Variants in GPR39 observed in about 807,000 individuals in gnomAD.
The protein encoded by GPR39 is zinc sensing receptor.
In GPR39, 23 loss-of-function variants were observed where a neutral mutation model predicts 18.4. The ratio of observed to expected loss-of-function variants is 1.25; its 90% CI spans 0.90 to 1.77. The LOEUF is 1.77. Ranked by LOEUF, GPR39 falls within the 40% of genes most tolerant of loss-of-function variation. The pLI, the probability that GPR39 is intolerant of heterozygous loss-of-function variation, is 0.00. For missense variants in GPR39, 647 were observed against 602.4 expected (o/e 1.07, Z -0.78); for synonymous variants, 280 against 257.9 (o/e 1.09, Z -0.82).
At chr2:132,599,562 C>T (rs923989390) in intron 1 of GPR39, among the ~76,000 whole-genome samples, 5 of 152,198 alleles carry the variant, frequency 3.3e-5, no homozygotes, top group Admixed American at 6.5e-5. Context: ...AAAACAAACA[C>T]CATGGCAGCT....
intron 1 of GPR39, among the ~76,000 whole-genome samples, chr2:132,544,275 C>T (rs1679905560): frequency 6.6e-6 from 1 of 152,198 alleles, no homozygotes; most frequent in Non-Finnish European, 1.5e-5. Context: ...TACCTAGGTG[C>T]TTGGAATTTG....
intron 1 of GPR39, among the ~76,000 whole-genome samples, chr2:132,559,493 G>C (rs980033964): frequency 1.3e-5 from 2 of 152,086 alleles, no homozygotes; most frequent in African/African-American, 4.8e-5. Context: ...ACACCTTACT[G>C]AGCACTGACT....
At position 132,645,769 on chromosome 2, in the gene GPR39, T is replaced by C. The variant is rs1336339047; in HGVS notation, c.*163T>C. The C allele has an allele frequency of 1.8e-5, 18 of 1,026,988 alleles. No homozygotes were observed. The South Asian group carries it at 2.1e-4, about 12-fold the overall frequency. The allele number at this position is 1,026,988 out of a possible 1,614,324, so 63.6% of individuals were successfully genotyped here. On this transcript the variant is annotated 3_prime_UTR_variant, in exon 2 of 2. Transcript: ENST00000329321. ...CTCAGTGACTTCTAAGGACTGACTC[T>C]GCCAGCCTGGCCTTGACTCCGGTTA...
At chr2:132,635,854 G>A (rs186270178) in intron 1 of GPR39, among the ~76,000 whole-genome samples, 277 of 152,130 alleles carry the variant, frequency 1.8e-3, no homozygotes, top group African/African-American at 6.4e-3. Flanking sequence ...GAGGAAGAGA[G>A]CTTCTCCCCA....
rs568689652 is a variant in GPR39, at chr2:132,554,577, T to C, written c.857-90524T>C. On this transcript the variant is annotated intron_variant, in intron 1 of 1. Transcript: ENST00000329321. ...GAAGGCCATCACTGATGTGCAGCCC[T>C]GGGTCCCCAGCTGATAGCTACAGTG... Among the ~76,000 whole-genome samples, 4 of 152,324 alleles carry C rather than the reference T, an allele frequency of 2.6e-5. No homozygotes were observed. The East Asian group carries it at 7.7e-4, about 29-fold the overall frequency.
chr2:132,498,748 T>G (rs1201746273), intron 1 of GPR39, among the ~76,000 whole-genome samples: 1 of 152,138 alleles, frequency 6.6e-6, no homozygotes, highest in Non-Finnish European at 1.5e-5. Context: ...TATTTTTTGA[T>G]TATGGCCATT....
intron 1 of GPR39, among the ~76,000 whole-genome samples, chr2:132,607,176 C>G (rs1458317850): frequency 6.6e-6 from 1 of 152,178 alleles, no homozygotes; most frequent in Non-Finnish European, 1.5e-5. Context: ...AAGTATCAGC[C>G]TGCTCTGGCA....
At chr2:132,514,984 A>G (rs1002021484) in intron 1 of GPR39, among the ~76,000 whole-genome samples, 1 of 152,222 alleles carries the variant, frequency 6.6e-6, no homozygotes, top group African/African-American at 2.4e-5. Context: ...TTTCGAGGAA[A>G]TGCACAGTGA....
chr2:132,629,351 A>G (rs554019880), intron 1 of GPR39, among the ~76,000 whole-genome samples: 1 of 152,288 alleles, frequency 6.6e-6, no homozygotes, highest in East Asian at 1.9e-4. Context: ...TATCCCATGC[A>G]CTACACTCTG....
At chr2:132,555,943 A>T (rs746534568) in intron 1 of GPR39, among the ~76,000 whole-genome samples, 1 of 152,170 alleles carries the variant, frequency 6.6e-6, no homozygotes, top group Non-Finnish European at 1.5e-5. Flanking sequence ...TGGAGGGCTT[A>T]TGGAAACATA....
chr2:132,634,243 T>A lies in GPR39; in HGVS notation c.857-10858T>A, dbSNP rs569535544. Among the ~76,000 whole-genome samples, 6 of 152,250 alleles carry A rather than the reference T, an allele frequency of 3.9e-5. No individual in the cohort carries two copies. In the South Asian group the frequency reaches 1.2e-3, roughly 32 times the overall value. The stretch of plus-strand genomic sequence containing the variant: ...TGGTCATAATTGACAGTGGTCCTTT[T>A]CTGACAGCAGTCACTGTGGTCAGCA... On this transcript the variant is annotated intron_variant, in intron 1 of 1. Coordinates refer to ENST00000329321, the MANE Select transcript of GPR39 (RefSeq NM_001508.3).
At chr2:132,468,415 C>T (rs1680970030) in intron 1 of GPR39, among the ~76,000 whole-genome samples, 2 of 152,184 alleles carry the variant, frequency 1.3e-5, no homozygotes, top group East Asian at 1.9e-4. Context: ...CTGAAATTTA[C>T]CTATATGGAA....
intron 1 of GPR39, among the ~76,000 whole-genome samples, chr2:132,552,683 A>G (rs1296192065): frequency 1.3e-5 from 2 of 151,828 alleles, no homozygotes; most frequent in Admixed American, 1.3e-4. Context: ...GGCATCCTTG[A>G]ATTTTGTAAA....
intron 1 of GPR39, among the ~76,000 whole-genome samples, chr2:132,527,602 AT>A (rs1679536822): frequency 6.6e-6 from 1 of 152,068 alleles, no homozygotes; most frequent in African/African-American, 2.4e-5. Flanking sequence ...GCCAGCATCT[AT>A]TGTTTCTTGA....
At position 132,552,818 on chromosome 2, in the gene GPR39, G is replaced by A. The variant is rs1414525075; in HGVS notation, c.857-92283G>A. Among the ~76,000 whole-genome samples the A allele has an allele frequency of 4.8e-5, 6 of 125,166 alleles. No homozygotes were observed. In the Admixed American group the frequency reaches 4.9e-4, roughly 10 times the overall value. 82.1% of individuals were successfully genotyped at this position (125,166 alleles called of 152,430 possible). The stretch of plus-strand genomic sequence containing the variant: ...TATATGTGTGTGTGTGTGTGTGTGT[G>A]TATGTATATATATACATATATATAT... On this transcript the variant is annotated intron_variant, in intron 1 of 1. Transcript: ENST00000329321.
At chr2:132,571,800 G>A (rs1052805995) in intron 1 of GPR39, among the ~76,000 whole-genome samples, 2 of 152,174 alleles carry the variant, frequency 1.3e-5, no homozygotes, top group African/African-American at 2.4e-5. Flanking sequence ...AAAAAACACA[G>A]CATTCGATGC....
chr2:132,632,423 G>A (rs1469712841), intron 1 of GPR39, among the ~76,000 whole-genome samples: 3 of 152,140 alleles, frequency 2.0e-5, no homozygotes, highest in African/African-American at 7.2e-5. Context: ...ACACCCACAG[G>A]AAGAAATTCA....
intron 1 of GPR39, among the ~76,000 whole-genome samples, chr2:132,584,168 C>T (rs766235036): frequency 1.4e-3 from 212 of 152,100 alleles, no homozygotes; most frequent in Non-Finnish European, 1.8e-3. Flanking sequence ...CCAGTGGGCA[C>T]GTGACCTGGC....
intron 1 of GPR39, among the ~76,000 whole-genome samples, chr2:132,591,843 G>A (rs1986707): frequency 0.21 from 32,167 of 152,084 alleles, 4,467 homozygotes; most frequent in East Asian, 0.71. Context: ...ACAAGCTTTC[G>A]TGTGAACATG....
Sources: allele counts gnomAD v4.1 joint callset (sites outside exome capture counted in the v4.1 genomes callset), GRCh38; gene constraint gnomAD v4.1.1; transcripts MANE v1.5; gene names NCBI Gene and HGNC (gene_info 2026-07-23, HGNC 2026-07-21).